The following CSTPP1 variants were observed in gnomAD, a reference collection of about 807,000 sequenced individuals.
CSTPP1 encodes the protein centriolar satellite-associated tubulin polyglutamylase complex regulator 1.
At chr11:46,949,842 T>A in the CSTPP1 span, among the ~76,000 whole-genome samples, 1 of 151,986 alleles carries the variant, frequency 6.6e-6, no homozygotes, top group Non-Finnish European at 1.5e-5. Context: ...TGGCTAATTT[T>A]TGTATTTTTA....
At chr11:47,119,219 C>T in the CSTPP1 span, among the ~76,000 whole-genome samples, 1 of 152,380 alleles carries the variant, frequency 6.6e-6, no homozygotes, top group Non-Finnish European at 1.5e-5. Context: ...CAGACTGCTG[C>T]GCTAGCAGTG....
chr11:47,134,049 C>T, the CSTPP1 span, among the ~76,000 whole-genome samples: 2 of 152,178 alleles, frequency 1.3e-5, no homozygotes, highest in Non-Finnish European at 2.9e-5. Context: ...CTCTCCCCTA[C>T]CCTGGACCCT....
the CSTPP1 span, among the ~76,000 whole-genome samples, chr11:47,081,830 C>T: frequency 1.3e-5 from 2 of 151,938 alleles, no homozygotes; most frequent in African/African-American, 4.8e-5. Flanking sequence ...GTGGCTCATA[C>T]CTGTAATCCC....
chr11:47,001,058 C>A, the CSTPP1 span, among the ~76,000 whole-genome samples: 1 of 152,122 alleles, frequency 6.6e-6, no homozygotes, highest in Non-Finnish European at 1.5e-5. Context: ...GAAGAGATGA[C>A]GATTGAGAGC....
chr11:46,936,779 G>A, the CSTPP1 span: 1 of 1,609,992 alleles, frequency 6.2e-7, no homozygotes, highest in African/African-American at 1.3e-5. Context: ...CGGAGAGCTG[G>A]AGCTTTGAAG....
chr11:47,134,448 G>A, the CSTPP1 span, among the ~76,000 whole-genome samples: 6 of 152,196 alleles, frequency 3.9e-5, no homozygotes, highest in East Asian at 1.9e-4. Flanking sequence ...CCTTGGCCTC[G>A]CAAAGTGCTG....
At chr11:47,086,631 A>C in the CSTPP1 span, among the ~76,000 whole-genome samples, 1 of 152,124 alleles carries the variant, frequency 6.6e-6, no homozygotes, top group Admixed American at 6.5e-5. Flanking sequence ...CTTGATTTCA[A>C]CCCTGGCTCT....
chr11:47,157,593 G>A, the CSTPP1 span, among the ~76,000 whole-genome samples: 2 of 151,958 alleles, frequency 1.3e-5, no homozygotes, highest in Non-Finnish European at 2.9e-5. Context: ...TTGGTTTCCC[G>A]TAGCCATTTC....
At chr11:46,946,637 G>A in the CSTPP1 span, among the ~76,000 whole-genome samples, 3 of 152,364 alleles carry the variant, frequency 2.0e-5, no homozygotes, top group African/African-American at 7.2e-5. Context: ...CAGCCTGGGC[G>A]ACAGAGCGAG....
the CSTPP1 span, among the ~76,000 whole-genome samples, chr11:47,119,904 C>T: frequency 1.3e-4 from 20 of 152,258 alleles, no homozygotes; most frequent in African/African-American, 4.8e-4. Context: ...AGCCACCATG[C>T]CCGGCCTTAT....
the CSTPP1 span, among the ~76,000 whole-genome samples, chr11:46,970,155 A>AT: frequency 9.2e-5 from 14 of 152,148 alleles, no homozygotes. Context: ...GGTGCTGATT[A>AT]TAAGTATAAA....
At chr11:46,939,798 A>G in the CSTPP1 span, among the ~76,000 whole-genome samples, 1 of 152,180 alleles carries the variant, frequency 6.6e-6, no homozygotes, top group Non-Finnish European at 1.5e-5. Context: ...AGTTTATTAT[A>G]TACATAAAGG....
At chr11:47,048,962 CTTGTT>C in the CSTPP1 span, among the ~76,000 whole-genome samples, 1 of 151,892 alleles carries the variant, frequency 6.6e-6, no homozygotes, top group Non-Finnish European at 1.5e-5. Flanking sequence ...TGGGCTTTGT[CTTGTT>C]TTATTTTTAT....
the CSTPP1 span, among the ~76,000 whole-genome samples, chr11:46,964,667 A>T: frequency 6.6e-6 from 1 of 152,172 alleles, no homozygotes; most frequent in African/African-American, 2.4e-5. Flanking sequence ...TTTTGGTTTC[A>T]GGATCTCTTT....
the CSTPP1 span, among the ~76,000 whole-genome samples, chr11:47,110,988 C>A: frequency 1.3e-5 from 2 of 151,552 alleles, no homozygotes; most frequent in Non-Finnish European, 2.9e-5. Flanking sequence ...CTCCCGGGTT[C>A]ACGCCATTCT....
chr11:47,094,669 CA>C, the CSTPP1 span, among the ~76,000 whole-genome samples: 3 of 152,262 alleles, frequency 2.0e-5, no homozygotes, highest in South Asian at 6.2e-4. Context: ...AATACAAATA[CA>C]ATTCAGTTAT....
the CSTPP1 span, among the ~76,000 whole-genome samples, chr11:46,971,379 T>A: frequency 1.3e-5 from 2 of 152,224 alleles, no homozygotes; most frequent in Admixed American, 6.5e-5. Context: ...CTCTTCCGTT[T>A]CTTGGATGTA....
chr11:46,989,777 T>G, the CSTPP1 span, among the ~76,000 whole-genome samples: 1 of 152,148 alleles, frequency 6.6e-6, no homozygotes, highest in Non-Finnish European at 1.5e-5. Flanking sequence ...CAATAGGTAG[T>G]TTTTGACCCA....
chr11:47,046,385 T>C, the CSTPP1 span, among the ~76,000 whole-genome samples: 1 of 150,574 alleles, frequency 6.6e-6, no homozygotes, highest in East Asian at 1.9e-4. Context: ...ATACCATCAA[T>C]GAACAATCTA....
Sources: allele counts gnomAD v4.1 joint callset (sites outside exome capture counted in the v4.1 genomes callset), GRCh38; gene constraint gnomAD v4.1.1; transcripts MANE v1.5; gene names NCBI Gene and HGNC (gene_info 2026-07-23, HGNC 2026-07-21).